The following TANC2 variants were observed in gnomAD, a reference collection of about 807,000 sequenced individuals.
TANC2 encodes protein TANC2.
A neutral mutation model predicts 210.5 loss-of-function variants in TANC2; 26 were observed. The observed-to-expected ratio is 0.12, with a 90% CI of 0.09 to 0.17. The LOEUF is 0.17. Ranked by LOEUF, TANC2 falls within the 10% of genes least tolerant of loss-of-function variation. TANC2 has a pLI of 1.00. For synonymous variants in TANC2, 931 were observed against 967.1 expected, an observed-to-expected ratio of 0.96 and a Z score of 0.69; for missense variants, 2,129 against 2,608.9, an observed-to-expected ratio of 0.82 and a Z score of 4.01.
intron 1 of TANC2, chr17:63,004,713 T>A (rs776228179): frequency 6.8e-5 from 22 of 324,866 alleles, no homozygotes; most frequent in Non-Finnish European, 1.2e-4. Flanking sequence ...CACACTTCAC[T>A]TGGTATCTCC....
At chr17:63,144,128 TA>T (rs1281432938) in intron 4 of TANC2, among the ~76,000 whole-genome samples, 1 of 152,214 alleles carries the variant, frequency 6.6e-6, no homozygotes, top group Non-Finnish European at 1.5e-5. Flanking sequence ...ATTGAGACCA[TA>T]TGCTACGAGT....
chr17:63,052,006 A>G (rs747116394), intron 2 of TANC2, among the ~76,000 whole-genome samples: 34 of 152,298 alleles, frequency 2.2e-4, no homozygotes, highest in Non-Finnish European at 4.0e-4. Flanking sequence ...TCCTGCAGAT[A>G]AGGCGGGACT....
intron 7 of TANC2, among the ~76,000 whole-genome samples, chr17:63,234,531 T>C (rs2042567908): frequency 6.6e-6 from 1 of 152,212 alleles, no homozygotes; most frequent in African/African-American, 2.4e-5. Flanking sequence ...CACTGCATGC[T>C]ATTTTCCTAT....
intron 2 of TANC2, among the ~76,000 whole-genome samples, chr17:63,027,073 G>A (rs1258819055): frequency 1.3e-5 from 2 of 152,078 alleles, no homozygotes; most frequent in Non-Finnish European, 2.9e-5. Context: ...ACTTGTACAA[G>A]GCACTTGAAA....
chr17:63,372,383 G>C (rs1451377408), intron 14 of TANC2, among the ~76,000 whole-genome samples: 2 of 152,272 alleles, frequency 1.3e-5, no homozygotes, highest in Non-Finnish European at 2.9e-5. Flanking sequence ...GAAGGGTAAG[G>C]ATCAGGGTTA....
intron 1 of TANC2, among the ~76,000 whole-genome samples, chr17:62,997,891 T>A: frequency 6.6e-6 from 1 of 151,704 alleles, no homozygotes. Context: ...AAGCAGGAAG[T>A]AGATATAGAA....
exon 8 of TANC2, chr17:63,238,025 A>T: frequency 6.4e-7 from 1 of 1,557,996 alleles, no homozygotes; most frequent in Non-Finnish European, 8.7e-7. Flanking sequence ...TGTTATCTCA[A>T]TCAGTACAGT....
At chr17:63,010,756 C>A (rs2033831076) in intron 2 of TANC2, among the ~76,000 whole-genome samples, 1 of 152,132 alleles carries the variant, frequency 6.6e-6, no homozygotes, top group Admixed American at 6.6e-5. Flanking sequence ...AAAACAGTTT[C>A]TTTACAAGAT....
chr17:63,271,616 C>A (rs551586194), intron 9 of TANC2, among the ~76,000 whole-genome samples: 5 of 151,166 alleles, frequency 3.3e-5, no homozygotes, highest in Admixed American at 1.3e-4. Flanking sequence ...TTGCCCCCCC[C>A]ATCCCCCAAC....
intron 5 of TANC2, among the ~76,000 whole-genome samples, chr17:63,181,470 A>G (rs1368231060): frequency 6.6e-6 from 1 of 152,226 alleles, no homozygotes; most frequent in East Asian, 1.9e-4. Context: ...GGAAGGGAGA[A>G]AGTTGTATTG....
intron 4 of TANC2, among the ~76,000 whole-genome samples, chr17:63,111,005 A>G (rs2038019171): frequency 6.6e-6 from 1 of 152,170 alleles, no homozygotes; most frequent in Non-Finnish European, 1.5e-5. Flanking sequence ...ATCACAGAGT[A>G]TTGTATGGAT....
intron 8 of TANC2, among the ~76,000 whole-genome samples, chr17:63,245,703 G>A (rs113392954): frequency 0.074 from 11,265 of 152,024 alleles, 1,295 homozygotes; most frequent in African/African-American, 0.25. Flanking sequence ...TTAGCTGGGC[G>A]TGGTGGCAGG....
At chr17:63,114,022 TTTAGA>T (rs773762605) in intron 4 of TANC2, among the ~76,000 whole-genome samples, 3 of 152,228 alleles carry the variant, frequency 2.0e-5, no homozygotes, top group African/African-American at 2.4e-5. Flanking sequence ...ATTTTATAAC[TTTAGA>T]TTAATGAAGT....
chr17:63,296,709 C>G (rs918169219), intron 9 of TANC2, among the ~76,000 whole-genome samples: 2 of 152,004 alleles, frequency 1.3e-5, no homozygotes, highest in Non-Finnish European at 2.9e-5. Context: ...TAGAGTATAT[C>G]AACAGAGACA....
intron 14 of TANC2, among the ~76,000 whole-genome samples, chr17:63,364,264 T>A (rs185746973): frequency 6.6e-6 from 1 of 152,318 alleles, no homozygotes. Flanking sequence ...TCAGCATAAA[T>A]CATAGGATCG....
At chr17:63,363,052 G>A (rs2047011963) in intron 14 of TANC2, among the ~76,000 whole-genome samples, 1 of 152,064 alleles carries the variant, frequency 6.6e-6, no homozygotes, top group African/African-American at 2.4e-5. Context: ...CTGTCTTTTG[G>A]ATAAAAGCCA....
At chr17:63,417,741 G>C (rs2048907769) in intron 26 of TANC2, among the ~76,000 whole-genome samples, 1 of 152,094 alleles carries the variant, frequency 6.6e-6, no homozygotes, top group African/African-American at 2.4e-5. Flanking sequence ...CTATACACTT[G>C]GGGGTTATGA....
At chr17:63,116,412 A>C (rs2038253843) in intron 4 of TANC2, among the ~76,000 whole-genome samples, 5 of 152,172 alleles carry the variant, frequency 3.3e-5, no homozygotes, top group African/African-American at 1.2e-4. Flanking sequence ...AGCTCTTCCT[A>C]ATTCCTGGGA....
chr17:63,314,352 T>A, intron 9 of TANC2, 36 bp from the exon 10 acceptor site: 1 of 1,603,282 alleles, frequency 6.2e-7, no homozygotes. Flanking sequence ...ATGTTGACAG[T>A]TTGACCTAAG....
Sources: gnomAD v4.1 joint callset for allele counts (sites outside exome capture counted in the v4.1 genomes callset) on GRCh38, gnomAD v4.1.1 for gene constraint, MANE v1.5 for transcripts, NCBI Gene and HGNC (gene_info 2026-07-23, HGNC 2026-07-21) for gene names.